Variants in IQCJ observed in about 807,000 individuals in gnomAD.
IQCJ encodes the protein IQ motif containing J, also known as IQ domain-containing protein J.
In IQCJ, 9 loss-of-function variants were observed where a neutral mutation model predicts 11.0. That is an observed-to-expected ratio of 0.82 (90% CI 0.49 to 1.43). IQCJ has a LOEUF of 1.43. Among genes scored for constraint, IQCJ ranks in the 40% most tolerant of loss-of-function variants. The pLI, the probability that IQCJ is intolerant of heterozygous loss-of-function variation, is 0.00. For synonymous variants in IQCJ, 55 were observed against 51.3 expected, an observed-to-expected ratio of 1.07 and a Z score of -0.31; for missense variants, 146 against 133.2, an observed-to-expected ratio of 1.10 and a Z score of -0.47.
At chr3:159,205,845 T>C (rs1724628783) in intron 1 of IQCJ, among the ~76,000 whole-genome samples, 1 of 152,198 alleles carries the variant, frequency 6.6e-6, no homozygotes, top group Non-Finnish European at 1.5e-5. Context: ...AATTATAAAA[T>C]GCTTCAAGTT....
At chr3:159,265,664 C>G (rs1482908981), downstream of IQCJ, 4 of 329,896 alleles carry the variant, frequency 1.2e-5, no homozygotes, top group Non-Finnish European at 2.3e-5. Flanking sequence ...ACTGCCTAGA[C>G]AATTTTCTAT....
rs190021391 is a variant in IQCJ at position 159,251,226 on chromosome 3, C to A, written c.75-1501C>A. Among the ~76,000 whole-genome samples the A allele has an allele frequency of 1.2e-4, 18 of 152,206 alleles. 1 individual carries two copies. In the East Asian group the frequency reaches 3.3e-3, roughly 28 times the overall value. ...ATTCCTTTCTAAAAAGAAAAAAATA[C>A]ATTTGTGATTCTAAGGGATCTCTCC... On this transcript the variant is annotated intron_variant, in intron 2 of 3. Coordinates refer to ENST00000397832, the MANE Select transcript of IQCJ (RefSeq NM_001042706.3).
intron 1 of IQCJ, among the ~76,000 whole-genome samples, chr3:159,234,532 G>C (rs954507470): frequency 1.3e-4 from 20 of 152,106 alleles, no homozygotes; most frequent in African/African-American, 4.8e-4. Context: ...GGCCCGGCAC[G>C]GTGATTCATG....
chr3:159,263,136 A>T lies in IQCJ; in HGVS notation c.*405A>T, dbSNP rs886218427. The T allele has an allele frequency of 2.2e-6, 2 of 906,164 alleles. No individual in the cohort carries two copies. The highest frequency in any genetic ancestry group is 2.6e-6 in the Non-Finnish European group (2 of 756,294). 56.1% of individuals were successfully genotyped at this position (906,164 alleles called of 1,614,324 possible). A position where few individuals can be genotyped will look rare whatever the true frequency, so the allele number is the denominator to read the frequency against. On this transcript the variant is annotated 3_prime_UTR_variant, in exon 4 of 4. Coordinates refer to ENST00000397832, the MANE Select transcript of IQCJ (RefSeq NM_001042706.3). ...CTTAAATGTCTCCAGGGGCCAGGTA[A>T]GTCACCCTCATGACTGAGGTGGCTG...
At chr3:159,096,093 A>T (rs1717723742) in intron 1 of IQCJ, among the ~76,000 whole-genome samples, 1 of 98,772 alleles carries the variant, frequency 1.0e-5, no homozygotes, top group Admixed American at 1.1e-4. Flanking sequence ...AGTGGTTTTG[A>T]TTTGCATTTC....
rs536544720 is a variant in IQCJ, at chr3:159,250,658, A to C, written c.75-2069A>C. Reference sequence around the variant, plus strand: ...GGGAAGCCCCTTATAAAACCATCAGATCTTGTGAGAACTCACTATCATGAG... The same window carrying C: ...GGGAAGCCCCTTATAAAACCATCAGCTCTTGTGAGAACTCACTATCATGAG... On this transcript the variant is annotated intron_variant, in intron 2 of 3. Transcript: ENST00000397832. 4.4e-4 allele frequency among the ~76,000 whole-genome samples: 67 copies of C among 152,300 alleles called. 1 individual carries two copies. Among genetic ancestry groups the C allele is most frequent in the African/African-American group, 1.4e-3 (58 of 41,562 alleles).
chr3:159,206,578 A>T (rs527349819), intron 1 of IQCJ, among the ~76,000 whole-genome samples: 28 of 152,340 alleles, frequency 1.8e-4, no homozygotes, highest in Admixed American at 1.6e-3. Context: ...TGAGGAATCA[A>T]GATTGAAAGT....
intron 1 of IQCJ, among the ~76,000 whole-genome samples, chr3:159,219,660 T>C (rs535529872): frequency 6.6e-6 from 1 of 152,320 alleles, no homozygotes; most frequent in East Asian, 1.9e-4. Context: ...ATTAAAGATC[T>C]CTCCTTTGCT....
intron 1 of IQCJ, among the ~76,000 whole-genome samples, chr3:159,160,633 T>A (rs563070067): frequency 1.3e-5 from 2 of 151,960 alleles, no homozygotes; most frequent in South Asian, 4.2e-4. Flanking sequence ...CTGCACCCAT[T>A]AACTCGTCAT....
At chr3:159,117,939 C>T (rs993169839) in intron 1 of IQCJ, among the ~76,000 whole-genome samples, 3 of 152,106 alleles carry the variant, frequency 2.0e-5, no homozygotes, top group Non-Finnish European at 4.4e-5. Context: ...CATAATTACT[C>T]CGTGATGCGC....
chr3:159,171,905 C>T (rs566630529), intron 1 of IQCJ, among the ~76,000 whole-genome samples: 1 of 152,328 alleles, frequency 6.6e-6, no homozygotes, highest in South Asian at 2.1e-4. Flanking sequence ...GTTGATACTT[C>T]TGGTCCAAGG....
At chr3:159,101,627 C>CTGCCA (rs1717929335) in intron 1 of IQCJ, among the ~76,000 whole-genome samples, 4 of 152,228 alleles carry the variant, frequency 2.6e-5, no homozygotes, top group Admixed American at 6.5e-5. Flanking sequence ...GTAGTGATCT[C>CTGCCA]ACAGGAACTG....
At chr3:159,237,266 C>T (rs909373781) in intron 1 of IQCJ, among the ~76,000 whole-genome samples, 3 of 151,928 alleles carry the variant, frequency 2.0e-5, no homozygotes, top group Non-Finnish European at 4.4e-5. Flanking sequence ...TAGAAGTGGT[C>T]GAGATTGAAA....
At chr3:159,145,838 C>A (rs1720898808) in intron 1 of IQCJ, among the ~76,000 whole-genome samples, 1 of 152,072 alleles carries the variant, frequency 6.6e-6, no homozygotes, top group Non-Finnish European at 1.5e-5. Context: ...AAGTGAGATG[C>A]AGAACTGAGT....
intron 1 of IQCJ, among the ~76,000 whole-genome samples, chr3:159,085,493 A>T (rs535918369): frequency 1.2e-3 from 184 of 151,344 alleles, no homozygotes; most frequent in African/African-American, 4.4e-3. Flanking sequence ...GAATCGCCAC[A>T]CTGACTTCCA....
intron 1 of IQCJ, among the ~76,000 whole-genome samples, chr3:159,202,697 T>TA (rs1203816984): frequency 6.6e-6 from 1 of 152,200 alleles, no homozygotes; most frequent in Non-Finnish European, 1.5e-5. Context: ...ATGGTCTTGT[T>TA]ATGTTGCCCA....
chr3:159,248,583 G>A (rs1189256019), intron 2 of IQCJ, among the ~76,000 whole-genome samples: 1 of 152,018 alleles, frequency 6.6e-6, no homozygotes, highest in Non-Finnish European at 1.5e-5. Flanking sequence ...GAATCAGCTG[G>A]GGAGCTTAAT....
chr3:159,259,960 CA>C (rs1185343314), intron 3 of IQCJ, among the ~76,000 whole-genome samples: 1 of 151,858 alleles, frequency 6.6e-6, no homozygotes, highest in African/African-American at 2.4e-5. Context: ...ATAAATATTA[CA>C]AAAAAACAGC....
chr3:159,086,425 T>G (rs1284212984), intron 1 of IQCJ, among the ~76,000 whole-genome samples: 1 of 152,206 alleles, frequency 6.6e-6, no homozygotes, highest in Non-Finnish European at 1.5e-5. Context: ...CATATGAACT[T>G]TAAAGTAGTT....
Sources: gnomAD v4.1 joint callset for allele counts (sites outside exome capture counted in the v4.1 genomes callset) on GRCh38, gnomAD v4.1.1 for gene constraint, MANE v1.5 for transcripts, NCBI Gene and HGNC (gene_info 2026-07-23, HGNC 2026-07-21) for gene names.